Variants in FOXP1 observed in about 807,000 individuals in gnomAD.
FOXP1 encodes forkhead box protein P1.
In FOXP1, 15 loss-of-function variants were observed where a neutral mutation model predicts 98.2. The ratio of observed to expected loss-of-function variants is 0.15; its 90% CI spans 0.10 to 0.24. The LOEUF (loss-of-function observed/expected upper bound fraction) is 0.24, where lower values mean the gene tolerates loss of function less well. FOXP1 is among the 10% of genes least tolerant of loss of function. The pLI is 1.00. For missense variants in FOXP1, 633 were observed against 848.5 expected, an observed-to-expected ratio of 0.75 and a Z score of 3.15; for synonymous variants, 371 against 314.5, an observed-to-expected ratio of 1.18 and a Z score of -1.90.
At chr3:71,542,107 A>C in intron 2 of FOXP1, 1 of 491,638 alleles carries the variant, frequency 2.0e-6, no homozygotes, top group Non-Finnish European at 4.1e-6. Flanking sequence ...TTTAAGCAGA[A>C]ATGCAGCATT....
intron 6 of FOXP1, among the ~76,000 whole-genome samples, chr3:71,161,272 G>A (rs565471375): frequency 1.2e-4 from 19 of 152,282 alleles, no homozygotes; most frequent in African/African-American, 3.9e-4. Context: ...TCAGCTAGGC[G>A]ATTCTTTGGT....
At chr3:71,130,554 T>C (rs1463002343) in intron 6 of FOXP1, 11 of 1,598,442 alleles carry the variant, frequency 6.9e-6, no homozygotes, top group Non-Finnish European at 8.5e-6. Context: ...TGGATTTCCG[T>C]CTTCTTGCTG....
At chr3:71,349,168 G>A (rs1480716438) in intron 4 of FOXP1, among the ~76,000 whole-genome samples, 2 of 119,660 alleles carry the variant, frequency 1.7e-5, no homozygotes, top group Non-Finnish European at 3.9e-5. Flanking sequence ...TATTAAATCA[G>A]CTATAATTTC....
chr3:71,087,665 G>A (rs2055282767), intron 7 of FOXP1, among the ~76,000 whole-genome samples: 1 of 152,070 alleles, frequency 6.6e-6, no homozygotes, highest in Non-Finnish European at 1.5e-5. Flanking sequence ...ACCCTGCTTT[G>A]CTGTTTTTAT....
intron 3 of FOXP1, among the ~76,000 whole-genome samples, chr3:71,418,150 T>G (rs945695186): frequency 7.3e-5 from 11 of 150,658 alleles, no homozygotes; most frequent in African/African-American, 2.2e-4. Flanking sequence ...TGTGTGTGTT[T>G]CCACTGAATT....
chr3:71,460,529 C>T (rs926634942), intron 3 of FOXP1, among the ~76,000 whole-genome samples: 3 of 152,076 alleles, frequency 2.0e-5, no homozygotes, highest in East Asian at 1.9e-4. Context: ...CTCCGCCTCC[C>T]GAGTTCAAGG....
chr3:71,544,829 G>C (rs1270744643), intron 2 of FOXP1, among the ~76,000 whole-genome samples: 1 of 128,304 alleles, frequency 7.8e-6, no homozygotes, highest in Non-Finnish European at 1.6e-5. Context: ...AATGAGGGTA[G>C]TCAAGAAAGA....
At chr3:71,112,959 G>T (rs2058062730) in intron 6 of FOXP1, among the ~76,000 whole-genome samples, 1 of 152,068 alleles carries the variant, frequency 6.6e-6, no homozygotes, top group Admixed American at 6.5e-5. Flanking sequence ...AGACCAGGAG[G>T]GACCCAAGCA....
At chr3:71,516,283 CGT>C (rs1029592101) in intron 2 of FOXP1, among the ~76,000 whole-genome samples, 1 of 152,016 alleles carries the variant, frequency 6.6e-6, no homozygotes, top group Non-Finnish European at 1.5e-5. Flanking sequence ...ACAATGCAAA[CGT>C]GTGTGTGTGC....
intron 5 of FOXP1, among the ~76,000 whole-genome samples, chr3:71,266,525 T>A (rs1378166298): frequency 6.6e-6 from 1 of 152,228 alleles, no homozygotes; most frequent in African/African-American, 2.4e-5. Context: ...GTGCTGAGAT[T>A]ACAGGCATGA....
intron 5 of FOXP1, among the ~76,000 whole-genome samples, chr3:71,260,119 G>T (rs2068977167): frequency 6.6e-6 from 1 of 152,144 alleles, no homozygotes; most frequent in Non-Finnish European, 1.5e-5. Flanking sequence ...GAGTAGCTGG[G>T]ACTACAGGCA....
At chr3:71,394,866 C>T (rs912030226) in intron 3 of FOXP1, among the ~76,000 whole-genome samples, 1 of 151,954 alleles carries the variant, frequency 6.6e-6, no homozygotes, top group African/African-American at 2.4e-5. Flanking sequence ...TTTGGGAGGC[C>T]GAGACGGGCA....
intron 3 of FOXP1, among the ~76,000 whole-genome samples, chr3:71,442,223 C>T (rs1312080565): frequency 5.9e-5 from 9 of 152,144 alleles, no homozygotes; most frequent in Admixed American, 5.9e-4. Context: ...ACTGTAACAC[C>T]CTGACATTGT....
At chr3:71,575,923 A>G (rs1478511423) in intron 2 of FOXP1, among the ~76,000 whole-genome samples, 1 of 152,268 alleles carries the variant, frequency 6.6e-6, no homozygotes, top group African/African-American at 2.4e-5. Context: ...GTGTCCTAGT[A>G]AACAAAGTGA....
rs1435439580 is a variant in FOXP1, at chr3:71,156,355, C to G, written c.180+41847G>C. Among the ~76,000 whole-genome samples, 4 of 152,262 alleles carry G rather than the reference C, an allele frequency of 2.6e-5. No homozygotes were observed. The South Asian group carries it at 6.2e-4, about 24-fold the overall frequency. On this transcript the variant is annotated intron_variant, in intron 6 of 20. Coordinates refer to ENST00000649528, the MANE Select transcript of FOXP1 (RefSeq NM_001349338.3). ...CCTACTCAGCATCTAGCACTGAACA[C>G]AGAGAGGTAAATACAACATTGCCAG... is the stretch of plus-strand genomic sequence containing the variant.
intron 2 of FOXP1, among the ~76,000 whole-genome samples, chr3:71,538,932 C>G (rs2044538154): frequency 6.6e-6 from 1 of 152,006 alleles, no homozygotes; most frequent in African/African-American, 2.4e-5. Flanking sequence ...GAAGACTATT[C>G]TTTCTCCACT....
At chr3:71,304,743 C>T (rs2074135043) in intron 4 of FOXP1, 1 of 152,162 alleles carries the variant, frequency 6.6e-6, no homozygotes, top group African/African-American at 2.4e-5. Flanking sequence ...TTAATAAATG[C>T]TTCTAAGTCT....
intron 4 of FOXP1, among the ~76,000 whole-genome samples, chr3:71,303,348 G>A (rs894298526): frequency 2.6e-5 from 4 of 152,156 alleles, no homozygotes; most frequent in Admixed American, 2.0e-4. Flanking sequence ...GCAAGCCCCT[G>A]GGTGGTGATG....
At chr3:70,981,203 A>C (rs2038789327) in intron 14 of FOXP1, among the ~76,000 whole-genome samples, 1 of 150,694 alleles carries the variant, frequency 6.6e-6, no homozygotes, top group Non-Finnish European at 1.5e-5. Flanking sequence ...AAAAAAAAAA[A>C]AAAAAAAAAA....
Sources: gnomAD v4.1 joint callset for allele counts (sites outside exome capture counted in the v4.1 genomes callset) on GRCh38, gnomAD v4.1.1 for gene constraint, MANE v1.5 for transcripts, NCBI Gene and HGNC (gene_info 2026-07-23, HGNC 2026-07-21) for gene names.